The following COPS8 variants were observed in gnomAD, a reference collection of about 807,000 sequenced individuals.
The protein encoded by COPS8 is COP9 signalosome subunit 8.
In COPS8, 11 loss-of-function variants were observed where a neutral mutation model predicts 31.5. The observed-to-expected ratio is 0.35, with a 90% CI of 0.22 to 0.58. The LOEUF is 0.58. COPS8 is among the 20% of genes least tolerant of loss of function. The pLI is 0.83. For synonymous variants in COPS8, 81 were observed against 89.3 expected (o/e 0.91, Z 0.52); for missense variants, 215 against 255.1 (o/e 0.84, Z 1.07).
Position 237,087,191 on chromosome 2 carries a change from A to G in COPS8, c.143A>G (p.Asn48Ser), listed in dbSNP as rs745910235. The stretch of plus-strand genomic sequence containing the variant: ...CTTCTAGCTTTATATTTGCTCCATA[A>G]TGACATGTAAGTATGTTTAACCTAA... ...GQLLALYLLH[N>S]DMNNARYLWK... The change falls in exon 2 of 8, where the codon AAT becomes AGT. Residue 48 changes from asparagine to serine, a missense_variant. Asn to Ser is a conservative substitution (Grantham distance 46). Coordinates refer to ENST00000354371, the MANE Select transcript of COPS8 (RefSeq NM_006710.5). The G allele has an allele frequency of 1.9e-6, 3 of 1,606,366 alleles. No homozygotes were observed. The highest frequency in any genetic ancestry group is 2.2e-5 in the South Asian group (2 of 89,440).
At chr2:237,096,699 G>T in intron 6 of COPS8, 123 bp from the exon 7 acceptor site, 1 of 741,992 alleles carries the variant, frequency 1.3e-6, no homozygotes, top group Non-Finnish European at 2.4e-6. Flanking sequence ...GAGCACAGTT[G>T]TTATCCCTGT....
chr2:237,090,062 G>A, intron 4 of COPS8, 68 bp downstream of exon 4: 3 of 1,508,388 alleles, frequency 2.0e-6, no homozygotes, highest in Non-Finnish European at 2.7e-6. Context: ...CAGTGTTGAA[G>A]TAATAAATCA....
intron 7 of COPS8, among the ~76,000 whole-genome samples, chr2:237,097,186 G>A (rs1304916968): frequency 2.1e-5 from 3 of 140,140 alleles, no homozygotes; most frequent in African/African-American, 8.0e-5. Flanking sequence ...TAATTTAAAT[G>A]TTGGAATGTA....
chr2:237,095,891 G>A lies in COPS8; in HGVS notation c.502+7G>A, dbSNP rs754842469. 2 of 1,606,840 alleles carry A rather than the reference G, an allele frequency of 1.2e-6. No individual in the cohort carries two copies. The highest frequency in any genetic ancestry group is 2.2e-5 in the East Asian group (1 of 44,846). On this transcript the variant is annotated splice_region_variant and intron_variant, in intron 6 of 7. Coordinates refer to ENST00000354371, the MANE Select transcript of COPS8 (RefSeq NM_006710.5). ...GTTCTGCCCAGAAAGCCAGGTAGGT[G>A]GAGCTTTCACCCATTTACGCAGCAC...
chr2:237,088,577 T>G (rs768861355), intron 2 of COPS8, 28 bp from the exon 3 acceptor site: 19 of 1,533,224 alleles, frequency 1.2e-5, no homozygotes, highest in South Asian at 1.0e-4. Context: ...TTTAATTGAT[T>G]ATTCTTCTTT....
chr2:237,089,933 T>C lies in COPS8; in HGVS notation c.270T>C (p.Tyr90=). Residue 90 remains tyrosine (Y), a synonymous_variant, in exon 4 of 8, where the codon TAT becomes TAC. Coordinates refer to ENST00000354371, the MANE Select transcript of COPS8 (RefSeq NM_006710.5). ...GGCAGAGAGATTTCCCTGGGATCTA[T>C]ACAACCATCAACGCTCACCAGTGGT... is the stretch of plus-strand genomic sequence containing the variant. ...RIWQRDFPGI[Y]TTINAHQWSE... 6.2e-7 allele frequency: 1 copy of C among 1,613,960 alleles called. No homozygotes were observed. Among genetic ancestry groups the C allele is most frequent in the Admixed American group, 1.7e-5 (1 of 60,034 alleles).
chr2:237,094,584 G>C (rs938685647), intron 5 of COPS8, among the ~76,000 whole-genome samples: 6 of 151,912 alleles, frequency 3.9e-5, no homozygotes, highest in African/African-American at 7.3e-5. Flanking sequence ...ACTCATACCT[G>C]CTGGTCTCTC....
rs748436582 is a variant in COPS8 at position 237,099,511 on chromosome 2, A to C, written c.*1769A>C. On this transcript the variant is annotated 3_prime_UTR_variant, in exon 8 of 8. Coordinates refer to ENST00000354371, the MANE Select transcript of COPS8 (RefSeq NM_006710.5). ...TCATGATTAATTTCACAAAATCTTG[A>C]TATCTTTTTTATTATTAAAAGTATA... 2 of 150,864 alleles carry C rather than the reference A, an allele frequency of 1.3e-5. No homozygotes were observed. Among genetic ancestry groups the C allele is most frequent in the Admixed American group, 1.3e-4 (2 of 15,218 alleles). 9.3% of individuals were successfully genotyped at this position (150,864 alleles called of 1,614,324 possible). A position where few individuals can be genotyped will look rare whatever the true frequency, so the allele number is the denominator to read the frequency against.
At chr2:237,095,790 T>C in intron 5 of COPS8, 32 bp from the exon 6 acceptor site, 1 of 1,478,046 alleles carries the variant, frequency 6.8e-7, no homozygotes. Context: ...TTTTATTCTT[T>C]CCGGATCTTT....
At chr2:237,091,977 G>A (rs1041238675) in intron 4 of COPS8, among the ~76,000 whole-genome samples, 13 of 152,236 alleles carry the variant, frequency 8.5e-5, no homozygotes, top group African/African-American at 2.9e-4. Flanking sequence ...CTGGCACACA[G>A]CATGGCTGGG....
intron 4 of COPS8, among the ~76,000 whole-genome samples, chr2:237,092,081 A>G (rs1436826792): frequency 6.6e-6 from 1 of 152,236 alleles, no homozygotes; most frequent in Non-Finnish European, 1.5e-5. Flanking sequence ...GCACTTGAGT[A>G]TTTGTTGAAC....
At chr2:237,086,862 A>G (rs1696625825) in intron 1 of COPS8, 3 of 429,814 alleles carry the variant, frequency 7.0e-6, no homozygotes, top group Non-Finnish European at 1.0e-5. Context: ...TCTTGAATGT[A>G]TAAAGAAACT....
chr2:237,087,705 G>C (rs1696644782), intron 2 of COPS8: 1 of 170,602 alleles, frequency 5.9e-6, no homozygotes, highest in East Asian at 1.8e-4. Context: ...CAAGGCAAGT[G>C]GATGGCTTGA....
chr2:237,086,403 C>T (rs1264425380), intron 1 of COPS8, among the ~76,000 whole-genome samples: 1 of 152,022 alleles, frequency 6.6e-6, no homozygotes, highest in Non-Finnish European at 1.5e-5. Context: ...CACACACACA[C>T]TAACACACAC....
chr2:237,086,276 C>G (rs1696610296), intron 1 of COPS8, among the ~76,000 whole-genome samples: 1 of 152,072 alleles, frequency 6.6e-6, no homozygotes, highest in Admixed American at 6.5e-5. Context: ...GCCCGAAAAC[C>G]CTGTGCGTCT....
chr2:237,090,035 T>C (rs1696678492), intron 4 of COPS8, 41 bp downstream of exon 4: 1 of 1,602,938 alleles, frequency 6.2e-7, no homozygotes, highest in Non-Finnish European at 8.5e-7. Flanking sequence ...TAGATGAGAC[T>C]TAGTCCCTAA....
At chr2:237,097,530 C>A in intron 7 of COPS8, 133 bp from the exon 8 acceptor site, 1 of 647,676 alleles carries the variant, frequency 1.5e-6, no homozygotes. Flanking sequence ...AAGATTTTGT[C>A]TAAAACCAGG....
At chr2:237,092,570 A>G (rs1696725753) in intron 4 of COPS8, among the ~76,000 whole-genome samples, 1 of 152,098 alleles carries the variant, frequency 6.6e-6, no homozygotes, top group Admixed American at 6.6e-5. Flanking sequence ...TATACTTTCC[A>G]TTGTTGGCTC....
rs529724137 is a variant in COPS8 at position 237,085,950 on chromosome 2, A to G, written c.-15A>G. On this transcript the variant is annotated 5_prime_UTR_variant, in exon 1 of 8. Coordinates refer to ENST00000354371, the MANE Select transcript of COPS8 (RefSeq NM_006710.5). ...TGGCTGTCCGGACGGTGCAGCGGCG[A>G]GGCCGGCCGCGAAGATGCCAGTGGC... The G allele has an allele frequency of 3.2e-5, 52 of 1,611,248 alleles. No homozygotes were observed. The South Asian group carries it at 4.7e-4, about 15-fold the overall frequency.
Sources: allele counts gnomAD v4.1 joint callset (sites outside exome capture counted in the v4.1 genomes callset), GRCh38; gene constraint gnomAD v4.1.1; transcripts MANE v1.5; gene names NCBI Gene and HGNC (gene_info 2026-07-23, HGNC 2026-07-21).